IL1RAPL1: variants seen among roughly 807,000 people sequenced by gnomAD.
IL1RAPL1 encodes the protein interleukin-1 receptor accessory protein-like 1.
A neutral mutation model predicts 48.4 loss-of-function variants in IL1RAPL1; 3 were observed. The observed-to-expected ratio is 0.06, with a 90% CI of 0.03 to 0.16. IL1RAPL1 has a LOEUF of 0.16. Among genes scored for constraint, IL1RAPL1 ranks in the 10% least tolerant of loss-of-function variants. The pLI is 1.00. For synonymous variants in IL1RAPL1, 185 were observed against 187.7 expected, an observed-to-expected ratio of 0.99 and a Z score of 0.12; for missense variants, 349 against 530.6, an observed-to-expected ratio of 0.66 and a Z score of 3.36.
At chrX:29,954,753 CT>C (rs1442575522) in intron 10 of IL1RAPL1, 61 bp downstream of exon 10, 1 of 943,709 alleles carries the variant, frequency 1.1e-6, no homozygotes, top group African/African-American at 1.9e-5. Flanking sequence ...GTAGTCATCA[CT>C]TTTTCATGGA....
chrX:28,954,968 C>A lies in IL1RAPL1; in HGVS notation c.82+165543C>A, dbSNP rs1218713136. 8.1e-5 allele frequency among the ~76,000 whole-genome samples: 9 copies of A among 111,701 alleles called. No individual in the cohort carries two copies. The Admixed American group carries it at 8.6e-4, about 11-fold the overall frequency. On this transcript the variant is annotated intron_variant, in intron 2 of 10. Coordinates refer to ENST00000378993, the MANE Select transcript of IL1RAPL1 (RefSeq NM_014271.4). ...TGAAACTGTATCATGTCATTTTATG[C>A]TACACGTAAACAGTAATGGATATAT... is the stretch of plus-strand genomic sequence containing the variant.
chrX:29,680,712 C>T (rs1926424807), intron 6 of IL1RAPL1, among the ~76,000 whole-genome samples: 1 of 111,949 alleles, frequency 8.9e-6, no homozygotes, highest in South Asian at 3.7e-4. Flanking sequence ...TTTATTATGC[C>T]TCTTCATTAA....
intron 5 of IL1RAPL1, among the ~76,000 whole-genome samples, chrX:29,405,568 G>A (rs1231723598): frequency 4.0e-5 from 4 of 100,857 alleles, no homozygotes; most frequent in East Asian, 6.1e-4. Flanking sequence ...GGGTTTCACC[G>A]TTTTAGCCGG....
intron 6 of IL1RAPL1, among the ~76,000 whole-genome samples, chrX:29,668,912 C>T (rs1005598310): frequency 9.0e-6 from 1 of 111,204 alleles, no homozygotes; most frequent in East Asian, 2.8e-4. Context: ...TAAATGTCAC[C>T]ATTATGGTTA....
chrX:28,589,924 C>T (rs1447641534), intron 1 of IL1RAPL1, among the ~76,000 whole-genome samples: 2 of 111,885 alleles, frequency 1.8e-5, no homozygotes, highest in African/African-American at 6.5e-5. Context: ...TCATTATTAA[C>T]ACAAATCCCA....
chrX:29,458,625 C>G (rs1363902505), intron 5 of IL1RAPL1, among the ~76,000 whole-genome samples: 1 of 111,745 alleles, frequency 8.9e-6, no homozygotes, highest in South Asian at 3.7e-4. Context: ...TACTTTTGCA[C>G]CAACCTAATA....
In IL1RAPL1 at chrX:29,956,146, TTTTTA is replaced by T. The variant is rs1209108006; in HGVS notation, c.*335_*339del. 8 of 252,236 alleles carry T rather than the reference TTTTTA, an allele frequency of 3.2e-5. No individual in the cohort carries two copies. The highest frequency in any genetic ancestry group is 1.7e-4 in the African/African-American group (6 of 34,879). 20.8% of individuals were successfully genotyped at this position (252,236 alleles called of 1,213,427 possible). On this transcript the variant is annotated 3_prime_UTR_variant, in exon 11 of 11. Transcript: ENST00000378993. ...TTCATTAGTTTAGTTTTAGAATGGGTTTTTATTTTATTTCCTTTTTTAAAATTTTA... is the reference window on the plus strand; with the variant it reads ...TTCATTAGTTTAGTTTTAGAATGGGTTTTTATTTCCTTTTTTAAAATTTTA...
chrX:29,001,989 G>A (rs1365050502), intron 2 of IL1RAPL1, among the ~76,000 whole-genome samples: 3 of 107,034 alleles, frequency 2.8e-5, no homozygotes, highest in East Asian at 3.0e-4. Context: ...CTCCCCCGCC[G>A]AGTTCAAGCA....
intron 6 of IL1RAPL1, among the ~76,000 whole-genome samples, chrX:29,780,461 A>C (rs974992375): frequency 9.0e-6 from 1 of 111,413 alleles, no homozygotes. Context: ...CAGTATTTTC[A>C]TGAGGCGCAG....
chrX:29,608,089 G>A (rs750860130), intron 5 of IL1RAPL1, among the ~76,000 whole-genome samples: 17 of 112,387 alleles, frequency 1.5e-4, no homozygotes, highest in African/African-American at 3.6e-4. Context: ...AGAGTTACTC[G>A]TGCATCAGAT....
At chrX:28,820,015 CAT>C (rs1195903270) in intron 2 of IL1RAPL1, among the ~76,000 whole-genome samples, 5 of 28,754 alleles carry the variant, frequency 1.7e-4, no homozygotes, top group Admixed American at 4.6e-4. Flanking sequence ...TATATATATA[CAT>C]GTACTGTATC....
At chrX:29,363,351 CCT>C (rs1008015000) in intron 3 of IL1RAPL1, among the ~76,000 whole-genome samples, 6 of 111,294 alleles carry the variant, frequency 5.4e-5, no homozygotes, top group African/African-American at 1.6e-4. Context: ...CCTCATATCC[CCT>C]GTCATATCTA....
Position 29,164,273 on chromosome X carries a change from C to A in IL1RAPL1, c.83-118665C>A, listed in dbSNP as rs191320708. On this transcript the variant is annotated intron_variant, in intron 2 of 10. Coordinates refer to ENST00000378993, the MANE Select transcript of IL1RAPL1 (RefSeq NM_014271.4). ...GCTGCTCCTACTGCAAGATAAGCTC[C>A]TTGAGAGCCAAGACTGTGTACTATT... Among the ~76,000 whole-genome samples, 426 of 111,672 alleles carry A rather than the reference C, an allele frequency of 3.8e-3. 4 individuals are homozygous for A. Among genetic ancestry groups the A allele is most frequent in the Non-Finnish European group, 6.8e-3 (364 of 53,187 alleles).
At chrX:29,494,160 C>A (rs753627235) in intron 5 of IL1RAPL1, among the ~76,000 whole-genome samples, 1 of 111,707 alleles carries the variant, frequency 9.0e-6, no homozygotes, top group African/African-American at 3.3e-5. Flanking sequence ...TTTGGCCTCC[C>A]AAAGTGCTGG....
chrX:29,578,825 T>G (rs1922863399), intron 5 of IL1RAPL1, among the ~76,000 whole-genome samples: 1 of 112,135 alleles, frequency 8.9e-6, no homozygotes, highest in Admixed American at 9.5e-5. Context: ...GATTTTGCTG[T>G]GTAGTAAACT....
chrX:29,948,373 TACA>T (rs902971795), intron 9 of IL1RAPL1, among the ~76,000 whole-genome samples: 2 of 111,948 alleles, frequency 1.8e-5, no homozygotes, highest in African/African-American at 6.5e-5. Context: ...AAATTTATTT[TACA>T]ACAATTGCCA....
At chrX:29,184,235 G>A (rs1363286360) in intron 2 of IL1RAPL1, among the ~76,000 whole-genome samples, 1 of 111,464 alleles carries the variant, frequency 9.0e-6, no homozygotes, top group Non-Finnish European at 1.9e-5. Flanking sequence ...TGGCAGGAAT[G>A]ATGTTTTATT....
At chrX:29,638,498 CTTTGAG>C (rs774278493) in intron 5 of IL1RAPL1, among the ~76,000 whole-genome samples, 16 of 111,426 alleles carry the variant, frequency 1.4e-4, no homozygotes, top group African/African-American at 3.6e-4. Flanking sequence ...ATGGCATTTG[CTTTGAG>C]TTTATTTTTT....
chrX:29,802,427 A>G (rs983342451), intron 6 of IL1RAPL1, among the ~76,000 whole-genome samples: 13 of 110,360 alleles, frequency 1.2e-4, no homozygotes, highest in African/African-American at 4.3e-4. Context: ...TTAATTTTCA[A>G]TCTCTCAAGG....
Sources: allele counts gnomAD v4.1 joint callset (sites outside exome capture counted in the v4.1 genomes callset), GRCh38; gene constraint gnomAD v4.1.1; transcripts MANE v1.5; gene names NCBI Gene and HGNC (gene_info 2026-07-23, HGNC 2026-07-21).